DAB1: variants seen among roughly 807,000 people sequenced by gnomAD.
The protein encoded by DAB1 is DAB adaptor protein 1.
A neutral mutation model predicts 64.6 loss-of-function variants in DAB1; 15 were observed. The ratio of observed to expected loss-of-function variants is 0.23; its 90% CI spans 0.16 to 0.36. DAB1 has a LOEUF of 0.36. Among genes scored for constraint, DAB1 ranks in the 10% least tolerant of loss-of-function variants. The pLI is 1.00. For synonymous variants in DAB1, 235 were observed against 251.9 expected (o/e 0.93, Z 0.64); for missense variants, 596 against 706.7 (o/e 0.84, Z 1.78).
chr1:57,655,670 G>A (rs373956931), intron 6 of DAB1, among the ~76,000 whole-genome samples: 24 of 152,246 alleles, frequency 1.6e-4, no homozygotes, highest in Non-Finnish European at 2.2e-4. Context: ...TAAGTGCCAC[G>A]GAGAAACATG....
downstream of DAB1, among the ~76,000 whole-genome samples, chr1:57,822,961 A>G (rs1202607921): frequency 6.6e-6 from 1 of 150,832 alleles, no homozygotes; most frequent in Admixed American, 6.7e-5. Context: ...TTCTTAGATA[A>G]AATGAAGAAA....
chr1:57,400,130 AG>A (rs1042409847), intron 1 of DAB1, among the ~76,000 whole-genome samples: 16 of 152,330 alleles, frequency 1.1e-4, no homozygotes, highest in Non-Finnish European at 2.1e-4. Flanking sequence ...GGCAACGCAA[AG>A]GGCTTGTCCA....
chr1:58,123,425 T>A (rs1183975161), intron 5 of DAB1, among the ~76,000 whole-genome samples: 2 of 152,162 alleles, frequency 1.3e-5, no homozygotes, highest in Non-Finnish European at 2.9e-5. Flanking sequence ...AGCAGGATTT[T>A]CCAATTGGTG....
chr1:57,563,810 G>A (rs1164857867), intron 7 of DAB1, among the ~76,000 whole-genome samples: 5 of 152,196 alleles, frequency 3.3e-5, no homozygotes, highest in Admixed American at 2.0e-4. Context: ...ACTAGGTGGA[G>A]CCCACCGCAG....
At chr1:57,817,405 G>A (rs1651915903) in intron 6 of DAB1, among the ~76,000 whole-genome samples, 1 of 152,198 alleles carries the variant, frequency 6.6e-6, no homozygotes, top group South Asian at 2.1e-4. Context: ...TCCAGGCTAT[G>A]GCCAGCTGCC....
intron 7 of DAB1, among the ~76,000 whole-genome samples, chr1:57,526,713 T>C (rs542693382): frequency 2.0e-5 from 3 of 152,212 alleles, no homozygotes; most frequent in Non-Finnish European, 4.4e-5. Flanking sequence ...GAGCTTGACT[T>C]CTTCTGTGAT....
chr1:58,246,131 C>CA (rs56356558), intron 4 of DAB1, among the ~76,000 whole-genome samples: 151,766 of 152,312 alleles, frequency 1, 75,614 homozygotes, highest in East Asian at 1. Context: ...GAATTGTTAA[C>CA]AAAAATGAAT....
At chr1:57,271,413 C>A (rs1670989104) in intron 2 of DAB1, among the ~76,000 whole-genome samples, 1 of 152,194 alleles carries the variant, frequency 6.6e-6, no homozygotes, top group Non-Finnish European at 1.5e-5. Context: ...CGTGTTGCCA[C>A]TGGGAAGTAC....
At chr1:58,220,101 G>GA (rs1349146998) in intron 4 of DAB1, among the ~76,000 whole-genome samples, 5 of 152,250 alleles carry the variant, frequency 3.3e-5, no homozygotes, top group South Asian at 2.1e-4. Flanking sequence ...TTTGTTCCCT[G>GA]AAAAAAGAAG....
intron 6 of DAB1, among the ~76,000 whole-genome samples, chr1:57,765,100 A>AC (rs1649252437): frequency 6.6e-6 from 1 of 152,208 alleles, no homozygotes; most frequent in Non-Finnish European, 1.5e-5. Flanking sequence ...ACAGCACCAC[A>AC]GCAGACATTC....
At chr1:57,724,278 GGAAGGAAC>G (rs377673876) in intron 6 of DAB1, among the ~76,000 whole-genome samples, 3,557 of 122,810 alleles carry the variant, frequency 0.029, 180 homozygotes, top group African/African-American at 0.11. Flanking sequence ...AAGGAAGGAA[GGAAGGAAC>G]GAAGGAAGGA....
chr1:57,923,314 T>C (rs1473826250), intron 5 of DAB1, among the ~76,000 whole-genome samples: 1 of 152,220 alleles, frequency 6.6e-6, no homozygotes, highest in Non-Finnish European at 1.5e-5. Flanking sequence ...GTATATTATC[T>C]AAACAGATTG....
chr1:57,792,104 T>C (rs1650629225), intron 6 of DAB1, among the ~76,000 whole-genome samples: 1 of 152,202 alleles, frequency 6.6e-6, no homozygotes, highest in South Asian at 2.1e-4. Context: ...TGAGGACTTG[T>C]TGAATGTGGA....
chr1:57,176,911 G>T (rs1241386439), intron 2 of DAB1, among the ~76,000 whole-genome samples: 1 of 143,568 alleles, frequency 7.0e-6, no homozygotes, highest in Admixed American at 7.2e-5. Context: ...GAACACTTTG[G>T]CATAAGGATT....
At chr1:57,281,302 G>A (rs1671867205) in intron 2 of DAB1, among the ~76,000 whole-genome samples, 3 of 152,176 alleles carry the variant, frequency 2.0e-5, no homozygotes, top group African/African-American at 7.2e-5. Flanking sequence ...GGGGGCATGT[G>A]GGTGGGTTGC....
intron 2 of DAB1, among the ~76,000 whole-genome samples, chr1:57,267,648 G>A (rs1220750053): frequency 1.3e-5 from 2 of 152,124 alleles, no homozygotes; most frequent in Non-Finnish European, 2.9e-5. Context: ...TGAATTTTGG[G>A]GCACCTGTGC....
At chr1:57,419,660 T>G (rs1365511083) in intron 1 of DAB1, among the ~76,000 whole-genome samples, 1 of 152,238 alleles carries the variant, frequency 6.6e-6, no homozygotes, top group Non-Finnish European at 1.5e-5. Flanking sequence ...CACTAATAGC[T>G]AAGTAACTTT....
chr1:58,132,927 T>A (rs919646937), intron 5 of DAB1, among the ~76,000 whole-genome samples: 1 of 152,246 alleles, frequency 6.6e-6, no homozygotes, highest in South Asian at 2.1e-4. Flanking sequence ...TTAATAGTGT[T>A]AACTCAATTG....
Position 58,457,374 on chromosome 1 carries a change from GAA to G in DAB1, n.257+48684_257+48685del, listed in dbSNP as rs566499727. On this transcript the variant is annotated intron_variant and non_coding_transcript_variant, in intron 3 of 20. Coordinates refer to the DAB1 transcript ENST00000485760. Reference sequence around the variant, plus strand: ...GCACGGTATTTCGGGGAGGTAGTGAGAAAAAGAGTCCCAGCTGGCCACCTCCT... The same window carrying G: ...GCACGGTATTTCGGGGAGGTAGTGAGAAAGAGTCCCAGCTGGCCACCTCCT... Among the ~76,000 whole-genome samples, 85 of 152,264 alleles carry G rather than the reference GAA, an allele frequency of 5.6e-4. 2 individuals are homozygous for G. In the South Asian group the frequency reaches 0.017, roughly 31 times the overall value.
Sources: gnomAD v4.1 joint callset for allele counts (sites outside exome capture counted in the v4.1 genomes callset) on GRCh38, gnomAD v4.1.1 for gene constraint, MANE v1.5 for transcripts, NCBI Gene and HGNC (gene_info 2026-07-23, HGNC 2026-07-21) for gene names.